Variants in DENND2A observed in about 807,000 individuals in gnomAD.
The protein encoded by DENND2A is DENN domain-containing protein 2A.
A neutral mutation model predicts 105.3 loss-of-function variants in DENND2A; 53 were observed. That is an observed-to-expected ratio of 0.50 (90% confidence interval 0.40 to 0.63). The LOEUF is 0.63. DENND2A is among the 30% of genes least tolerant of loss of function. The pLI, the probability that DENND2A is intolerant of heterozygous loss-of-function variation, is 0.00. For synonymous variants in DENND2A, 522 were observed against 508.4 expected (o/e 1.03, Z -0.36); for missense variants, 1,138 against 1,279.6 (o/e 0.89, Z 1.69).
intron 6 of DENND2A, among the ~76,000 whole-genome samples, chr7:140,572,478 C>A (rs1303193056): frequency 6.6e-6 from 1 of 151,818 alleles, no homozygotes. Flanking sequence ...TCTCCAAGTT[C>A]CTGGCTGGGC....
chr7:140,523,269 G>T lies in DENND2A; in HGVS notation c.2665+38C>A, dbSNP rs2130455206. 4 of 1,595,150 alleles carry T rather than the reference G, an allele frequency of 2.5e-6. No homozygotes were observed. In the East Asian group the frequency reaches 8.9e-5, roughly 36 times the overall value. On this transcript the variant is annotated intron_variant, in intron 17 of 19. Transcript: ENST00000496613. The surrounding 1 kb of genome is among the most constrained non-coding windows in gnomAD (Gnocchi z 4.5). ...CATTTGTTCCCTGACCCTCAGAGTG[G>T]AAGGGAGAGACCCACTGGGAGGTGG... is the stretch of plus-strand genomic sequence containing the variant.
chr7:140,518,609 C>T lies in DENND2A; in HGVS notation c.*98G>A, dbSNP rs530807865. ...GCCACCGCGGCCTCCAGTTCCGCAC[C>T]GTGACAACCTGGGACCCAGCCTTTC... On this transcript the variant is annotated 3_prime_UTR_variant, in exon 20 of 20. Coordinates refer to ENST00000496613, the MANE Select transcript of DENND2A (RefSeq NM_015689.5). The T allele has an allele frequency of 2.0e-5, 27 of 1,357,394 alleles. No homozygotes were observed. The East Asian group carries it at 3.3e-4, about 16-fold the overall frequency. 84.1% of individuals were successfully genotyped at this position (1,357,394 alleles called of 1,614,324 possible).
In DENND2A at chr7:140,619,768, G is replaced by A. The variant is rs568603679; in HGVS notation, c.-247-13962C>T. On this transcript the variant is annotated intron_variant, in intron 1 of 19. Coordinates refer to ENST00000496613, the MANE Select transcript of DENND2A (RefSeq NM_015689.5). ...GCCTGCCTCGGCCTCCCAAAGTGCT[G>A]GGATTACAGGTGTGAGCCACTGCAC... 6.6e-5 allele frequency among the ~76,000 whole-genome samples: 10 copies of A among 152,060 alleles called. No homozygotes were observed. In the East Asian group the frequency reaches 1.2e-3, roughly 18 times the overall value.
intron 12 of DENND2A, among the ~76,000 whole-genome samples, chr7:140,548,634 A>G (rs1488714911): frequency 6.6e-6 from 1 of 151,292 alleles, no homozygotes; most frequent in East Asian, 2.0e-4. Context: ...TTTTTTTGAG[A>G]CAGAGTTTCG....
intron 6 of DENND2A, among the ~76,000 whole-genome samples, chr7:140,572,019 T>C (rs1363630201): frequency 6.6e-6 from 1 of 152,042 alleles, no homozygotes; most frequent in Admixed American, 6.6e-5. Flanking sequence ...TCTTTTATTT[T>C]TAGAGGCAGC....
chr7:140,610,549 A>G (rs928598460), intron 1 of DENND2A, among the ~76,000 whole-genome samples: 2 of 152,108 alleles, frequency 1.3e-5, no homozygotes, highest in African/African-American at 4.8e-5. Flanking sequence ...TATGTATATA[A>G]TTTTACAGTT....
chr7:140,620,443 A>G (rs181120636), intron 1 of DENND2A, among the ~76,000 whole-genome samples: 3 of 152,168 alleles, frequency 2.0e-5, no homozygotes, highest in African/African-American at 7.2e-5. Flanking sequence ...AGTAGTTGCC[A>G]TTGGGTAAGA....
intron 18 of DENND2A, among the ~76,000 whole-genome samples, chr7:140,520,179 G>A (rs1369541035): frequency 2.0e-5 from 3 of 151,980 alleles, no homozygotes; most frequent in Non-Finnish European, 4.4e-5. Context: ...GGTGGTGCAC[G>A]CCTATAATCC....
intron 1 of DENND2A, among the ~76,000 whole-genome samples, chr7:140,621,100 C>T (rs1800273895): frequency 6.6e-6 from 1 of 152,202 alleles, no homozygotes; most frequent in Admixed American, 6.5e-5. Flanking sequence ...GGCATCATGG[C>T]TCACTGCAGC....
At chr7:140,608,483 C>T (rs1488641991) in intron 1 of DENND2A, among the ~76,000 whole-genome samples, 1 of 152,048 alleles carries the variant, frequency 6.6e-6, no homozygotes, top group African/African-American at 2.4e-5. Context: ...TTGAAACCAG[C>T]CTGGGCAACA....
chr7:140,530,300 T>A (rs1796214619), intron 14 of DENND2A, among the ~76,000 whole-genome samples: 1 of 152,158 alleles, frequency 6.6e-6, no homozygotes, highest in Admixed American at 6.6e-5. Flanking sequence ...TAATTAAAAT[T>A]AAAAAATATA....
At chr7:140,574,720 C>G (rs1228888283) in intron 5 of DENND2A, among the ~76,000 whole-genome samples, 2 of 152,086 alleles carry the variant, frequency 1.3e-5, no homozygotes, top group Admixed American at 6.6e-5. Flanking sequence ...CTAAAACAGG[C>G]CTCTTCAAAG....
chr7:140,554,095 A>G (rs935827383), intron 12 of DENND2A, among the ~76,000 whole-genome samples: 7 of 151,944 alleles, frequency 4.6e-5, no homozygotes, highest in Admixed American at 1.3e-4. Flanking sequence ...GTGTGGTGGC[A>G]TGTGCCTGTA....
chr7:140,621,470 C>G (rs1252705501), intron 1 of DENND2A, among the ~76,000 whole-genome samples: 1 of 148,296 alleles, frequency 6.7e-6, no homozygotes, highest in Non-Finnish European at 1.5e-5. Context: ...ATGTTCAGTA[C>G]AAATGCAAAC....
intron 1 of DENND2A, among the ~76,000 whole-genome samples, chr7:140,625,185 T>C (rs1800473173): frequency 6.6e-6 from 1 of 152,064 alleles, no homozygotes; most frequent in South Asian, 2.1e-4. Context: ...GAGACCAGCC[T>C]GGCTAACATG....
intron 11 of DENND2A, 144 bp from the exon 12 acceptor site, chr7:140,555,857 C>A: frequency 1.7e-6 from 1 of 571,694 alleles, no homozygotes; most frequent in South Asian, 2.7e-5. Context: ...AAGTTGTTAT[C>A]CCATTGTGTT....
chr7:140,580,764 G>A (rs1015060843), intron 5 of DENND2A, among the ~76,000 whole-genome samples: 3 of 151,934 alleles, frequency 2.0e-5, no homozygotes, highest in African/African-American at 7.2e-5. Context: ...AGCCTCCCAA[G>A]TAGCTGGGAC....
chr7:140,538,905 C>A (rs895605614), intron 14 of DENND2A, among the ~76,000 whole-genome samples: 5 of 152,060 alleles, frequency 3.3e-5, no homozygotes, highest in Non-Finnish European at 5.9e-5. Context: ...CTTACTGTAA[C>A]CTCTGCCTCC....
intron 5 of DENND2A, among the ~76,000 whole-genome samples, chr7:140,574,626 A>G (rs944492211): frequency 6.6e-6 from 1 of 152,230 alleles, no homozygotes; most frequent in Non-Finnish European, 1.5e-5. Flanking sequence ...TACAAGGCCT[A>G]AGCCTCACTT....
Sources: allele counts gnomAD v4.1 joint callset (sites outside exome capture counted in the v4.1 genomes callset), GRCh38; gene constraint gnomAD v4.1.1; non-coding constraint Gnocchi (gnomAD v3.1); transcripts MANE v1.5; gene names NCBI Gene and HGNC (gene_info 2026-07-23, HGNC 2026-07-21).